Variants in FAM117A observed in about 807,000 individuals in gnomAD.
FAM117A encodes protein FAM117A.
In FAM117A, 21 loss-of-function variants were observed where a neutral mutation model predicts 44.1. That is an observed-to-expected ratio of 0.48 (90% CI 0.34 to 0.69). The LOEUF (loss-of-function observed/expected upper bound fraction) is 0.69. Among genes scored for constraint, FAM117A ranks in the 30% least tolerant of loss-of-function variants. The probability of loss-of-function intolerance (pLI) is 0.01; values close to 1 mark genes in which losing one functional copy is unlikely to be tolerated. For synonymous variants in FAM117A, 220 were observed against 238.3 expected (o/e 0.92, Z 0.71); for missense variants, 498 against 589.9 (o/e 0.84, Z 1.61).
chr17:49,728,409 C>CTTT (rs377735178), intron 2 of FAM117A, among the ~76,000 whole-genome samples: 1 of 140,272 alleles, frequency 7.1e-6, no homozygotes, highest in South Asian at 2.3e-4. Context: ...AAGACTTAAG[C>CTTT]TTTTTTTTTT....
Position 49,763,913 on chromosome 17 carries a change from G to A in FAM117A, c.175C>T (p.Arg59Trp). The A allele has an allele frequency of 9.8e-7, 1 of 1,016,366 alleles. No homozygotes were observed. Among genetic ancestry groups the A allele is most frequent in the Non-Finnish European group, 1.2e-6 (1 of 860,292 alleles). 63.0% of individuals were successfully genotyped at this position (1,016,366 alleles called of 1,614,324 possible). ...TCACCTGCACGGCCACCCCCGTCCC[G>A]GCGCTGGTGCGGCTGCTGCAGCTGG... ...PFQLQQPHQR[R>W]DGGGRAASVP... is the part of the protein sequence containing the mutation. The change falls in exon 1 of 8, where the codon CGG (arginine) becomes TGG (tryptophan). Residue 59 changes from arginine (R) to tryptophan (W), a missense_variant. By Grantham distance (101) the Arg-to-Trp change is moderately radical. Coordinates refer to ENST00000240364, the MANE Select transcript of FAM117A (RefSeq NM_030802.4).
In FAM117A at chr17:49,763,909, T is replaced by C; in HGVS notation, c.179A>G (p.Asp60Gly). ...CGGCTCACCTGCACGGCCACCCCCG[T>C]CCCGGCGCTGGTGCGGCTGCTGCAG... Reference protein sequence around the residue: ...FQLQQPHQRRDGGGRAASVPC... With the variant: ...FQLQQPHQRRGGGGRAASVPC... Residue 60 changes from aspartate to glycine, a missense_variant, in exon 1 of 8, where the codon GAC becomes GGC. Around this residue, in one of 3 missense-constraint regions of FAM117A, gnomAD observed 270 missense variants for 277.4 expected, o/e 0.97. Transcript: ENST00000240364. 9.3e-7 allele frequency: 1 copy of C among 1,074,192 alleles called. No individual in the cohort carries two copies. The highest frequency in any genetic ancestry group is 1.1e-6 in the Non-Finnish European group (1 of 893,318). The allele number at this position is 1,074,192 out of a possible 1,614,324, so 66.5% of individuals were successfully genotyped here. A position where few individuals can be genotyped will look rare whatever the true frequency, so the allele number is the denominator to read the frequency against.
At chr17:49,764,715 A>G (rs1435726085), upstream of FAM117A, among the ~76,000 whole-genome samples, 3 of 152,246 alleles carry the variant, frequency 2.0e-5, no homozygotes, top group African/African-American at 7.2e-5. Context: ...CTACAAATTA[A>G]TGCAAGGTTT....
chr17:49,788,816 C>T (rs759127466), upstream of FAM117A: 2 of 1,581,664 alleles, frequency 1.3e-6, no homozygotes, highest in South Asian at 2.3e-5. Context: ...TCGGAACCGT[C>T]GGGCCGCAGC....
rs367819577 is a variant in FAM117A, at chr17:49,726,082, C to A, written c.367-3488G>T. Among the ~76,000 whole-genome samples the A allele has an allele frequency of 5.9e-5, 9 of 152,318 alleles. No homozygotes were observed. In the South Asian group the frequency reaches 1.5e-3, roughly 25 times the overall value. On this transcript the variant is annotated intron_variant, in intron 2 of 7. Transcript: ENST00000240364. ...GTGAAACAGAACTTGGACTTCTGGT[C>A]TCCAGAACTGTGAAATAATACATTT...
intron 1 of FAM117A, among the ~76,000 whole-genome samples, chr17:49,755,205 G>A (rs2073694165): frequency 6.6e-6 from 1 of 152,178 alleles, no homozygotes; most frequent in Non-Finnish European, 1.5e-5. Context: ...GGTGGTTGGT[G>A]GGAGAAGAAA....
upstream of FAM117A, among the ~76,000 whole-genome samples, chr17:49,767,457 A>G (rs2073748677): frequency 6.6e-6 from 1 of 152,256 alleles, no homozygotes; most frequent in Admixed American, 6.5e-5. Flanking sequence ...TAATGTTCAG[A>G]GACATTGTCC....
chr17:49,731,777 C>T (rs2073586292), intron 2 of FAM117A, among the ~76,000 whole-genome samples: 1 of 151,790 alleles, frequency 6.6e-6, no homozygotes, highest in Non-Finnish European at 1.5e-5. Flanking sequence ...CAAGGTAAAT[C>T]TCATTTTTTA....
Position 49,734,548 on chromosome 17 carries a change from C to T in FAM117A, c.197-1828G>A, listed in dbSNP as rs570797249. ...CAGACCTTGCAGTGAGCCGAGATAG[C>T]GCCACTGCAGTCCAGCCTGGGCGAA... On this transcript the variant is annotated intron_variant, in intron 1 of 7. Coordinates refer to ENST00000240364, the MANE Select transcript of FAM117A (RefSeq NM_030802.4). Among the ~76,000 whole-genome samples, 40 of 151,936 alleles carry T rather than the reference C, an allele frequency of 2.6e-4. 1 individual carries two copies. The highest frequency in any genetic ancestry group is 6.8e-3 in the Middle Eastern group (2 of 294).
At chr17:49,727,930 G>T (rs2073567370) in intron 2 of FAM117A, among the ~76,000 whole-genome samples, 1 of 152,184 alleles carries the variant, frequency 6.6e-6, no homozygotes, top group Admixed American at 6.5e-5. Context: ...GGACCGTCAG[G>T]ACCACGTGTT....
chr17:49,752,116 G>A (rs2073680024), intron 1 of FAM117A, among the ~76,000 whole-genome samples: 1 of 152,072 alleles, frequency 6.6e-6, no homozygotes, highest in South Asian at 2.1e-4. Context: ...TCTATACAGA[G>A]TATGCTTTGG....
intron 1 of FAM117A, among the ~76,000 whole-genome samples, chr17:49,740,411 G>A (rs1039335573): frequency 4.6e-5 from 7 of 152,144 alleles, no homozygotes; most frequent in South Asian, 2.1e-4. Context: ...CACCGCGCCC[G>A]GCTAATTTTT....
chr17:49,733,274 T>C (rs1373459553), intron 1 of FAM117A, among the ~76,000 whole-genome samples: 1 of 152,210 alleles, frequency 6.6e-6, no homozygotes, highest in Non-Finnish European at 1.5e-5. Context: ...CTGGAACTAC[T>C]TTCAATTATC....
chr17:49,725,152 G>A (rs2073554120), intron 2 of FAM117A, among the ~76,000 whole-genome samples: 1 of 152,110 alleles, frequency 6.6e-6, no homozygotes, highest in Admixed American at 6.6e-5. Context: ...TCCAAGCCTG[G>A]TCTCCCGATC....
At chr17:49,736,302 G>C (rs2073610636) in intron 1 of FAM117A, among the ~76,000 whole-genome samples, 1 of 151,238 alleles carries the variant, frequency 6.6e-6, no homozygotes, top group Non-Finnish European at 1.5e-5. Context: ...TGTCGCCCAG[G>C]CTGGAGTGCA....
chr17:49,712,858 A>G (rs745761502), intron 7 of FAM117A, among the ~76,000 whole-genome samples: 7 of 151,386 alleles, frequency 4.6e-5, no homozygotes, highest in Non-Finnish European at 1.0e-4. Context: ...TATCTGTCTC[A>G]CCCTCCTTTT....
intron 1 of FAM117A, among the ~76,000 whole-genome samples, chr17:49,755,053 A>G (rs2073693364): frequency 6.6e-6 from 1 of 151,710 alleles, no homozygotes; most frequent in Non-Finnish European, 1.5e-5. Flanking sequence ...AAAAAAAAAA[A>G]AAAAAAAGCC....
intron 1 of FAM117A, among the ~76,000 whole-genome samples, chr17:49,754,458 C>A (rs1001066294): frequency 1.8e-4 from 27 of 152,142 alleles, no homozygotes; most frequent in Admixed American, 9.8e-4. Flanking sequence ...GAGCCCACCA[C>A]CACGCCCGGC....
At chr17:49,779,016 TG>T (rs1340864245) in intron 1 of FAM117A, among the ~76,000 whole-genome samples, 1 of 151,952 alleles carries the variant, frequency 6.6e-6, no homozygotes, top group African/African-American at 2.4e-5. Flanking sequence ...AAGAAGAATA[TG>T]GGGGAAGAAC....
Sources: allele counts gnomAD v4.1 joint callset (sites outside exome capture counted in the v4.1 genomes callset), GRCh38; gene constraint gnomAD v4.1.1; regional missense constraint gnomAD v4.1.1; transcripts MANE v1.5; gene names NCBI Gene and HGNC (gene_info 2026-07-23, HGNC 2026-07-21).